Variants in ZNF276 observed in about 807,000 individuals in gnomAD.
The protein encoded by ZNF276 is centromere protein Z.
Under a neutral mutation model 63.9 loss-of-function variants are expected in ZNF276, and 59 were observed. The observed-to-expected ratio is 0.92, with a 90% CI of 0.75 to 1.15. The LOEUF is 1.15. ZNF276 is among the 50% of genes most tolerant of loss of function. The pLI, the probability that ZNF276 is intolerant of heterozygous loss-of-function variation, is 0.00. For missense variants in ZNF276, 1,084 were observed against 843.8 expected, an observed-to-expected ratio of 1.28 and a Z score of -3.53; for synonymous variants, 496 against 348.4, an observed-to-expected ratio of 1.42 and a Z score of -4.72.
intron 4 of ZNF276, among the ~76,000 whole-genome samples, chr16:89,725,942 T>C (rs1238833084): frequency 6.6e-6 from 1 of 152,216 alleles, no homozygotes; most frequent in African/African-American, 2.4e-5. Context: ...CCTTCAGGCC[T>C]GGCCGAGAGA....
chr16:89,727,200 A>G, intron 4 of ZNF276, 79 bp from the exon 5 acceptor site: 1 of 1,411,748 alleles, frequency 7.1e-7, no homozygotes, highest in East Asian at 2.3e-5. Flanking sequence ...AGTCATCAAT[A>G]GTAGAATCAT....
intron 9 of ZNF276, among the ~76,000 whole-genome samples, chr16:89,736,685 C>T (rs2061912220): frequency 6.8e-6 from 1 of 147,828 alleles, no homozygotes. Flanking sequence ...GTCCCAGCTA[C>T]TTGAGAGGTT....
At chr16:89,724,065 C>T (rs778256075) in intron 4 of ZNF276, among the ~76,000 whole-genome samples, 8 of 152,212 alleles carry the variant, frequency 5.3e-5, no homozygotes, top group Non-Finnish European at 1.2e-4. Flanking sequence ...AAAGAATGGC[C>T]GTTGCCTCTG....
At chr16:89,730,374 C>G (rs1376921899) in intron 6 of ZNF276, among the ~76,000 whole-genome samples, 2 of 152,168 alleles carry the variant, frequency 1.3e-5, no homozygotes, top group South Asian at 2.1e-4. Context: ...CCCAGGACAC[C>G]TGAGAATGTG....
Position 89,740,453 on chromosome 16 carries a change from G to C in ZNF276, c.*2207G>C. On this transcript the variant is annotated 3_prime_UTR_variant, in exon 11 of 11. Transcript: ENST00000443381. ...CAGTTCAAGACCAGCCTGGCAATAT[G>C]GTGAAACCCCGTCTCTACTAAAAAT... The C allele has an allele frequency of 2.2e-6, 1 of 458,300 alleles. No homozygotes were observed. Among genetic ancestry groups the C allele is most frequent in the South Asian group, 2.4e-5 (1 of 41,990 alleles). 28.4% of individuals were successfully genotyped at this position (458,300 alleles called of 1,614,324 possible). A position where few individuals can be genotyped will look rare whatever the true frequency, so the allele number is the denominator to read the frequency against.
chr16:89,735,155 G>A lies in ZNF276; in HGVS notation c.1474+1117G>A, dbSNP rs577429090. 4.6e-5 allele frequency among the ~76,000 whole-genome samples: 7 copies of A among 152,058 alleles called. No homozygotes were observed. In the East Asian group the frequency reaches 5.8e-4, roughly 13 times the overall value. ...CAAAAAAAAAACTTGTTTGAACCAC[G>A]TGGACCCACATATCCATGGTCAGGG... On this transcript the variant is annotated intron_variant, in intron 9 of 10. Transcript: ENST00000443381.
At chr16:89,735,701 T>C (rs186725672) in intron 9 of ZNF276, among the ~76,000 whole-genome samples, 1 of 152,188 alleles carries the variant, frequency 6.6e-6, no homozygotes, top group Non-Finnish European at 1.5e-5. Context: ...TGAGGCCGTC[T>C]TTACCAAAAA....
intron 9 of ZNF276, among the ~76,000 whole-genome samples, chr16:89,737,221 C>T (rs17233868): frequency 0.06 from 9,065 of 152,212 alleles, 420 homozygotes; most frequent in East Asian, 0.22. Context: ...AGTGATACGG[C>T]TTCCTTTAAG....
intron 1 of ZNF276, among the ~76,000 whole-genome samples, chr16:89,722,265 A>T (rs1439456576): frequency 6.6e-6 from 1 of 152,088 alleles, no homozygotes; most frequent in Non-Finnish European, 1.5e-5. Flanking sequence ...CGCTGGGAGG[A>T]GGGTGCAGTT....
At position 89,733,462 on chromosome 16, in the gene ZNF276, A is replaced by G; in HGVS notation, c.1281-20A>G. 6.2e-7 allele frequency: 1 copy of G among 1,614,120 alleles called. No homozygotes were observed. The highest frequency in any genetic ancestry group is 8.5e-7 in the Non-Finnish European group (1 of 1,179,976). On this transcript the variant is annotated intron_variant, in intron 7 of 10. Transcript: ENST00000443381. ...CCCTGCCTGTCGGGGCCGGGGCTCC[A>G]TGCATGCTCTTCATTGCAGGGAGGA...
chr16:89,733,395 G>C lies in ZNF276; in HGVS notation c.1263G>C (p.Lys421Asn), dbSNP rs2061739826. ...KKPGPKPGWK[K>N]KLRCEREELP... ...CGGGACCCAAGCCCGGATGGAAGAA[G>C]AAGCTTCGTTGTGAGAGGTGATGCC... The change falls in exon 7 of 11, where the codon AAG becomes AAC. Residue 421 changes from lysine (K) to asparagine (N), a missense_variant. By Grantham distance (94) the Lys-to-Asn change is moderately conservative. Coordinates refer to ENST00000443381, the MANE Select transcript of ZNF276 (RefSeq NM_001113525.2). 1 of 1,614,076 alleles carries C rather than the reference G, an allele frequency of 6.2e-7. No individual in the cohort carries two copies. The highest frequency in any genetic ancestry group is 1.3e-5 in the African/African-American group (1 of 74,938).
chr16:89,722,964 G>T (rs542879849), intron 2 of ZNF276, 130 bp downstream of exon 2: 1 of 1,559,080 alleles, frequency 6.4e-7, no homozygotes, highest in Non-Finnish European at 8.7e-7. Context: ...CGGGTTCAGT[G>T]CCAACAGCCC....
In ZNF276 at chr16:89,722,815, CG is replaced by C; in HGVS notation, c.491del (p.Arg164ProfsTer25). On this transcript the variant is annotated frameshift_variant, in exon 2 of 11. Coordinates refer to ENST00000443381, the MANE Select transcript of ZNF276 (RefSeq NM_001113525.2). LOFTEE classifies it high-confidence loss of function. ...GAGGGTCAACGCCTCCCCGGCTGGT[CG>C]CCGGAAGCCTTGTGCAAAGTACGCC... ...LQRVNASPAG[R>X]RKPCAKVGAQ... 2 of 1,603,602 alleles carry C rather than the reference CG, an allele frequency of 1.2e-6. No homozygotes were observed. The highest frequency in any genetic ancestry group is 4.5e-5 in the East Asian group (2 of 44,868).
chr16:89,733,564 A>C lies in ZNF276; in HGVS notation c.1356+7A>C, dbSNP rs775251500. 53 of 1,613,554 alleles carry C rather than the reference A, an allele frequency of 3.3e-5. No individual in the cohort carries two copies. The highest frequency in any genetic ancestry group is 4.5e-5 in the Non-Finnish European group (53 of 1,179,992). Reference sequence around the variant, plus strand: ...AGGCGCTGACGGCATGAAGGTGAGCACTGGCTGTGCCTGACCCAGGCCCGG... The same window carrying C: ...AGGCGCTGACGGCATGAAGGTGAGCCCTGGCTGTGCCTGACCCAGGCCCGG... On this transcript the variant is annotated splice_region_variant and intron_variant, in intron 8 of 10. Coordinates refer to ENST00000443381, the MANE Select transcript of ZNF276 (RefSeq NM_001113525.2).
At chr16:89,732,342 G>C (rs543093180) in intron 6 of ZNF276, 1 of 152,350 alleles carries the variant, frequency 6.6e-6, no homozygotes, top group Non-Finnish European at 1.5e-5. Context: ...CAGTGGAGGC[G>C]GGGTTGAGGA....
rs781481768 is a variant in ZNF276 at position 89,740,129 on chromosome 16, A to G, written c.*1883A>G. 1 of 1,577,162 alleles carries G rather than the reference A, an allele frequency of 6.3e-7. No individual in the cohort carries two copies. The highest frequency in any genetic ancestry group is 1.1e-5 in the South Asian group (1 of 90,290). On this transcript the variant is annotated 3_prime_UTR_variant, in exon 11 of 11. Transcript: ENST00000443381. ...AAACCGCAGGAGACCAACCCTGAGA[A>G]TGGCCGACCTGGTGCTCCCATGGGT...
Position 89,727,131 on chromosome 16 carries a change from G to C in ZNF276, c.1007-148G>C, listed in dbSNP as rs544104618. On this transcript the variant is annotated intron_variant, in intron 4 of 10. Coordinates refer to ENST00000443381, the MANE Select transcript of ZNF276 (RefSeq NM_001113525.2). ...GGATCAGAGGCTGCATAGCACCCTTGGTGGGGATGGGGCCATGGTGGGGAG... is the reference window on the plus strand; with the variant it reads ...GGATCAGAGGCTGCATAGCACCCTTCGTGGGGATGGGGCCATGGTGGGGAG... 9.5e-4 allele frequency: 758 copies of C among 794,358 alleles called. 14 individuals carry two copies. In the South Asian group the frequency reaches 0.01, roughly 11 times the overall value. The allele number at this position is 794,358 out of a possible 1,614,324, so 49.2% of individuals were successfully genotyped here. A position where few individuals can be genotyped will look rare whatever the true frequency, so the allele number is the denominator to read the frequency against.
intron 6 of ZNF276, chr16:89,731,657 C>T (rs1214702684): frequency 1.3e-5 from 2 of 152,272 alleles, no homozygotes; most frequent in Non-Finnish European, 2.9e-5. Context: ...CCTGTGCGCT[C>T]AAGTGAGCCT....
Position 89,740,542 on chromosome 16 carries a change from A to T in ZNF276, c.*2296A>T. ...TCCCAGCTACTCGGGAGGCTGATGCAGGAGAATTGCTTGAACCCAGGAGGC... is the reference window on the plus strand; with the variant it reads ...TCCCAGCTACTCGGGAGGCTGATGCTGGAGAATTGCTTGAACCCAGGAGGC... On this transcript the variant is annotated 3_prime_UTR_variant, in exon 11 of 11. Transcript: ENST00000443381. 1.9e-6 allele frequency: 1 copy of T among 523,804 alleles called. No individual in the cohort carries two copies. Among genetic ancestry groups the T allele is most frequent in the African/African-American group, 1.9e-5 (1 of 52,224 alleles). 32.4% of individuals were successfully genotyped at this position (523,804 alleles called of 1,614,324 possible).
Sources: allele counts gnomAD v4.1 joint callset (sites outside exome capture counted in the v4.1 genomes callset), GRCh38; gene constraint gnomAD v4.1.1; transcripts MANE v1.5; gene names NCBI Gene and HGNC (gene_info 2026-07-23, HGNC 2026-07-21).